SPNS2: variants seen among roughly 807,000 people sequenced by gnomAD.
The protein encoded by SPNS2 is sphingosine-1-phosphate transporter SPNS2.
In SPNS2, 37 loss-of-function variants were observed where a neutral mutation model predicts 57.6. The ratio of observed to expected loss-of-function variants is 0.64; its 90% CI spans 0.49 to 0.85. SPNS2 has a LOEUF of 0.85. Among genes scored for constraint, SPNS2 ranks in the 40% least tolerant of loss-of-function variants. SPNS2 has a pLI of 0.00. For missense variants in SPNS2, 831 were observed against 779.1 expected (o/e 1.07, Z -0.79); for synonymous variants, 440 against 346.9 (o/e 1.27, Z -2.98).
rs1224348104 is a variant in SPNS2, at chr17:4,530,619, C to T, written c.574-13C>T. On this transcript the variant is annotated splice_polypyrimidine_tract_variant and intron_variant, in intron 3 of 12. Transcript: ENST00000329078. Reference sequence around the variant, plus strand: ...GTAGTCGGTCCCCCAGCATCCTCCACCCCTCCTCACAGTACTTCTGGCTGC... The same window carrying T: ...GTAGTCGGTCCCCCAGCATCCTCCATCCCTCCTCACAGTACTTCTGGCTGC... 6.8e-6 allele frequency: 11 copies of T among 1,607,646 alleles called. No homozygotes were observed. Among genetic ancestry groups the T allele is most frequent in the Non-Finnish European group, 9.3e-6 (11 of 1,176,900 alleles).
rs1904402648 is a variant in SPNS2, at chr17:4,499,608, G to C, written c.370+191G>C. ...CTCCGTGCACCACGGGTACAATCCA[G>C]CTCCCCGCTCATACACACCCGGGGC... On this transcript the variant is annotated intron_variant, in intron 1 of 12. Transcript: ENST00000329078. This position sits in a 1 kb window ranked among gnomAD's most constrained non-coding sequence, Gnocchi z 5.2. 1 of 413,820 alleles carries C rather than the reference G, an allele frequency of 2.4e-6. No homozygotes were observed. The highest frequency in any genetic ancestry group is 2.1e-5 in the African/African-American group (1 of 48,458). 25.6% of individuals were successfully genotyped at this position (413,820 alleles called of 1,614,324 possible).
intron 9 of SPNS2, among the ~76,000 whole-genome samples, chr17:4,534,977 C>G (rs1177390940): frequency 6.6e-6 from 1 of 152,176 alleles, no homozygotes; most frequent in South Asian, 2.1e-4. Context: ...GGAAACAGGG[C>G]CACTCGTTTC....
In SPNS2 at chr17:4,511,105, G is replaced by T. The variant is rs971375484; in HGVS notation, c.371-2142G>T. Among the ~76,000 whole-genome samples the T allele has an allele frequency of 6.6e-6, 1 of 152,218 alleles. No individual in the cohort carries two copies. Among genetic ancestry groups the T allele is most frequent in the Non-Finnish European group, 1.5e-5 (1 of 68,038 alleles). ...ACTTAGCGGGAAGCGGTAACTAGCG[G>T]CTCTCAGCTCAGGAGGAGCTCATAG... On this transcript the variant is annotated intron_variant, in intron 1 of 12. Coordinates refer to ENST00000329078, the MANE Select transcript of SPNS2 (RefSeq NM_001124758.3). The surrounding 1 kb of genome is among the most constrained non-coding windows in gnomAD (Gnocchi z 4.6).
chr17:4,518,712 C>T (rs1035370265), intron 2 of SPNS2, among the ~76,000 whole-genome samples: 2 of 152,134 alleles, frequency 1.3e-5, no homozygotes, highest in Non-Finnish European at 2.9e-5. Flanking sequence ...AGAGCCAGCT[C>T]AAACCGAAAC....
At position 4,533,757 on chromosome 17, in the gene SPNS2, G is replaced by A. The variant is rs117985496; in HGVS notation, c.1279-31G>A. 3,885 of 1,612,406 alleles carry A rather than the reference G, an allele frequency of 2.4e-3. 53 individuals carry two copies. The East Asian group carries it at 0.028, about 12-fold the overall frequency. On this transcript the variant is annotated intron_variant, in intron 8 of 12. Coordinates refer to ENST00000329078, the MANE Select transcript of SPNS2 (RefSeq NM_001124758.3). ...TGTGGTTGCTGCGGATGGAGGGACC[G>A]CTGATGGTGGCTTTGCCTTCTCCCC...
Position 4,511,812 on chromosome 17 carries a change from C to A in SPNS2, c.371-1435C>A, listed in dbSNP as rs143231721. Among the ~76,000 whole-genome samples the A allele has an allele frequency of 6.6e-6, 1 of 152,198 alleles. No homozygotes were observed. Among genetic ancestry groups the A allele is most frequent in the East Asian group, 1.9e-4 (1 of 5,202 alleles). ...ACATCCGCCCGTCTGTCCTGCATTCCGGGAAATTGCTCAGGATTCCAACCT... is the reference window on the plus strand; with the variant it reads ...ACATCCGCCCGTCTGTCCTGCATTCAGGGAAATTGCTCAGGATTCCAACCT... On this transcript the variant is annotated intron_variant, in intron 1 of 12. Transcript: ENST00000329078. This position sits in a 1 kb window ranked among gnomAD's most constrained non-coding sequence, Gnocchi z 4.6.
intron 2 of SPNS2, among the ~76,000 whole-genome samples, chr17:4,517,741 C>T (rs990333036): frequency 3.7e-4 from 56 of 152,014 alleles, no homozygotes; most frequent in Non-Finnish European, 1.8e-4. Context: ...AAAACAGATT[C>T]GTCACAAAGG....
chr17:4,506,513 G>A (rs1383549420), intron 1 of SPNS2, among the ~76,000 whole-genome samples: 1 of 152,192 alleles, frequency 6.6e-6, no homozygotes, highest in African/African-American at 2.4e-5. Context: ...CCCCCAGATT[G>A]CTCAGGCAGA....
chr17:4,526,421 G>A (rs1845612551), intron 3 of SPNS2, among the ~76,000 whole-genome samples: 1 of 152,098 alleles, frequency 6.6e-6, no homozygotes, highest in African/African-American at 2.4e-5. Flanking sequence ...TGGCCAACAT[G>A]GAGAAACCCC....
At chr17:4,534,686 G>A (rs1034970285) in intron 9 of SPNS2, among the ~76,000 whole-genome samples, 2 of 152,168 alleles carry the variant, frequency 1.3e-5, no homozygotes, top group Non-Finnish European at 2.9e-5. Context: ...TCCCCCTGGG[G>A]TGGCTCTGTG....
At position 4,513,314 on chromosome 17, in the gene SPNS2, T is replaced by C. The variant is rs766531618; in HGVS notation, c.436+2T>C. ...GAGGCGCCGGCCTGCTGCAGTCAGGTGAGGCCCACCTCCCACCTTCCCCCC... is the reference window on the plus strand; with the variant it reads ...GAGGCGCCGGCCTGCTGCAGTCAGGCGAGGCCCACCTCCCACCTTCCCCCC... On this transcript the variant is annotated splice_donor_variant, in intron 2 of 12. Transcript: ENST00000329078. LOFTEE classifies it high-confidence loss of function. 6.2e-7 allele frequency: 1 copy of C among 1,613,746 alleles called. No homozygotes were observed. Among genetic ancestry groups the C allele is most frequent in the Non-Finnish European group, 8.5e-7 (1 of 1,179,758 alleles).
At chr17:4,527,368 G>A (rs140116732) in intron 3 of SPNS2, among the ~76,000 whole-genome samples, 243 of 152,346 alleles carry the variant, frequency 1.6e-3, no homozygotes, top group Non-Finnish European at 3.0e-3. Context: ...TTTCTGTGGG[G>A]ATTTAGTGTA....
chr17:4,538,982 A>G lies in SPNS2; in HGVS notation c.*1534A>G, dbSNP rs1401240301. The G allele has an allele frequency of 2.5e-5, 20 of 799,554 alleles. No homozygotes were observed. In the African/African-American group the frequency reaches 3.4e-4, roughly 13 times the overall value. The allele number at this position is 799,554 out of a possible 1,614,324, so 49.5% of individuals were successfully genotyped here. A position where few individuals can be genotyped will look rare whatever the true frequency, so the allele number is the denominator to read the frequency against. On this transcript the variant is annotated 3_prime_UTR_variant, in exon 13 of 13. Transcript: ENST00000329078. ...TGATTGTGAATCTCAGAGTCTTAAGAGAGAAGCCAAATATATTCCTCTTGT... is the reference window on the plus strand; with the variant it reads ...TGATTGTGAATCTCAGAGTCTTAAGGGAGAAGCCAAATATATTCCTCTTGT...
rs768351220 is a variant in SPNS2 at position 4,538,970 on chromosome 17, C to CA, written c.*1523dup. ...TTTTAGAGCTGCTGATTGTGAATCT[C>CA]AGAGTCTTAAGAGAGAAGCCAAATA... On this transcript the variant is annotated 3_prime_UTR_variant, in exon 13 of 13. Transcript: ENST00000329078. The CA allele has an allele frequency of 2.5e-6, 2 of 790,714 alleles. No homozygotes were observed. The highest frequency in any genetic ancestry group is 4.7e-6 in the Non-Finnish European group (2 of 426,958). The allele number at this position is 790,714 out of a possible 1,614,324, so 49.0% of individuals were successfully genotyped here. A position where few individuals can be genotyped will look rare whatever the true frequency, so the allele number is the denominator to read the frequency against.
At chr17:4,536,996 G>T (rs754912549) in intron 12 of SPNS2, 50 bp downstream of exon 12, 3 of 1,600,570 alleles carry the variant, frequency 1.9e-6, no homozygotes, top group Non-Finnish European at 2.6e-6. Flanking sequence ...AAAGGGGAAG[G>T]CCAGGGTTAG....
Position 4,510,309 on chromosome 17 carries a change from G to A in SPNS2, c.371-2938G>A, listed in dbSNP as rs1056032131. Among the ~76,000 whole-genome samples the A allele has an allele frequency of 1.3e-5, 2 of 152,198 alleles. No individual in the cohort carries two copies. Among genetic ancestry groups the A allele is most frequent in the Non-Finnish European group, 2.9e-5 (2 of 68,044 alleles). On this transcript the variant is annotated intron_variant, in intron 1 of 12. Coordinates refer to ENST00000329078, the MANE Select transcript of SPNS2 (RefSeq NM_001124758.3). The surrounding 1 kb of genome is among the most constrained non-coding windows in gnomAD (Gnocchi z 4.4). Reference sequence around the variant, plus strand: ...CTGGGGAGTGGTGGGACGGGAGCAGGCCATGTTATCCAAAAGCTTCCTGTG... The same window carrying A: ...CTGGGGAGTGGTGGGACGGGAGCAGACCATGTTATCCAAAAGCTTCCTGTG...
chr17:4,499,873 C>G lies in SPNS2; in HGVS notation c.370+456C>G, dbSNP rs553003340. Among the ~76,000 whole-genome samples, 3,816 of 152,328 alleles carry G rather than the reference C, an allele frequency of 0.025. 67 individuals carry two copies. The highest frequency in any genetic ancestry group is 0.038 in the Non-Finnish European group (2,553 of 68,010). ...TTCCTTTCTCCGCCGCCTCCACCCC[C>G]CTGCGTGCGTGCGGCGAGTGCGCGC... On this transcript the variant is annotated intron_variant, in intron 1 of 12. Coordinates refer to ENST00000329078, the MANE Select transcript of SPNS2 (RefSeq NM_001124758.3). The surrounding 1 kb of genome is among the most constrained non-coding windows in gnomAD (Gnocchi z 5.2).
At chr17:4,530,490 C>A in intron 3 of SPNS2, 142 bp from the exon 4 acceptor site, 1 of 971,012 alleles carries the variant, frequency 1.0e-6, no homozygotes, top group East Asian at 2.5e-5. Flanking sequence ...GTGGTCTTTA[C>A]GGAGGTGCAG....
At chr17:4,508,588 G>T (rs968203159) in intron 1 of SPNS2, among the ~76,000 whole-genome samples, 1 of 152,158 alleles carries the variant, frequency 6.6e-6, no homozygotes, top group African/African-American at 2.4e-5. Context: ...TGGGCACTGT[G>T]GTTGGGAGAA....
Sources: gnomAD v4.1 joint callset for allele counts (sites outside exome capture counted in the v4.1 genomes callset) on GRCh38, gnomAD v4.1.1 for gene constraint, Gnocchi (gnomAD v3.1) non-coding constraint, MANE v1.5 for transcripts, NCBI Gene and HGNC (gene_info 2026-07-23, HGNC 2026-07-21) for gene names.